GRIK2: variants seen among roughly 807,000 people sequenced by gnomAD.
The protein encoded by GRIK2 is glutamate ionotropic receptor kainate type subunit 2.
GRIK2 carries 32 observed loss-of-function variants against 100.3 expected under a neutral mutation model. That is an observed-to-expected ratio of 0.32 (90% confidence interval 0.24 to 0.43). The LOEUF (loss-of-function observed/expected upper bound fraction) is 0.43. Ranked by LOEUF, GRIK2 falls within the 20% of genes least tolerant of loss-of-function variation. GRIK2 has a pLI of 1.00. For synonymous variants in GRIK2, 417 were observed against 389.4 expected (o/e 1.07, Z -0.83); for missense variants, 843 against 1,114.9 (o/e 0.76, Z 3.47).
chr6:101,562,909 T>A (rs139844550), intron 2 of GRIK2, among the ~76,000 whole-genome samples: 2 of 152,202 alleles, frequency 1.3e-5, no homozygotes, highest in African/African-American at 4.8e-5. Context: ...TTCTGTGTAA[T>A]GATACTTTTT....
intron 2 of GRIK2, among the ~76,000 whole-genome samples, chr6:101,576,030 G>A (rs185582602): frequency 4.9e-4 from 74 of 151,956 alleles, no homozygotes; most frequent in African/African-American, 1.7e-3. Context: ...GTATTTAATA[G>A]GGCATATGAT....
intron 2 of GRIK2, among the ~76,000 whole-genome samples, chr6:101,487,796 CTA>C (rs1772906688): frequency 6.8e-6 from 1 of 146,288 alleles, no homozygotes; most frequent in Non-Finnish European, 1.5e-5. Context: ...AAAGATCAAA[CTA>C]TTGGTCTTCA....
intron 2 of GRIK2, among the ~76,000 whole-genome samples, chr6:101,604,745 G>T (rs1779368960): frequency 6.6e-6 from 1 of 151,928 alleles, no homozygotes; most frequent in African/African-American, 2.4e-5. Context: ...CCTGTTTGAT[G>T]ATGAACATTT....
intron 14 of GRIK2, among the ~76,000 whole-genome samples, chr6:101,967,224 T>A (rs1792739838): frequency 6.6e-6 from 1 of 151,978 alleles, no homozygotes; most frequent in Admixed American, 6.6e-5. Flanking sequence ...CTAAATCTTA[T>A]AAAAATTAAA....
At chr6:101,810,403 A>G (rs1292733212) in intron 9 of GRIK2, among the ~76,000 whole-genome samples, 1 of 152,048 alleles carries the variant, frequency 6.6e-6, no homozygotes, top group Admixed American at 6.6e-5. Flanking sequence ...ATACTTACTG[A>G]TTTATTGTAC....
At chr6:101,798,575 A>T (rs997981821) in intron 7 of GRIK2, among the ~76,000 whole-genome samples, 3 of 152,058 alleles carry the variant, frequency 2.0e-5, no homozygotes, top group Non-Finnish European at 2.9e-5. Context: ...GTTGAAAGCT[A>T]CTGTGTATAC....
At chr6:102,026,554 T>G (rs1769714671) in intron 14 of GRIK2, among the ~76,000 whole-genome samples, 1 of 151,186 alleles carries the variant, frequency 6.6e-6, no homozygotes, top group African/African-American at 2.4e-5. Flanking sequence ...TGAACCTTCA[T>G]TATGAGATAC....
intron 2 of GRIK2, among the ~76,000 whole-genome samples, chr6:101,498,122 G>T (rs1169274159): frequency 1.4e-5 from 2 of 146,898 alleles, no homozygotes; most frequent in Non-Finnish European, 3.0e-5. Flanking sequence ...GTGGTGTTTG[G>T]TTTTTTGTCC....
intron 12 of GRIK2, among the ~76,000 whole-genome samples, chr6:101,920,238 A>G (rs1024264900): frequency 6.6e-6 from 1 of 151,902 alleles, no homozygotes; most frequent in Non-Finnish European, 1.5e-5. Context: ...CCAAAATAAA[A>G]TAGCTTGAAT....
rs202110456 is a variant in GRIK2 at position 101,899,455 on chromosome 6, A to AT, written c.1748+9598dup. Among the ~76,000 whole-genome samples, 1,203 of 151,806 alleles carry AT rather than the reference A, an allele frequency of 7.9e-3. 22 individuals carry two copies. Among genetic ancestry groups the AT allele is most frequent in the African/African-American group, 0.027 (1,138 of 41,440 alleles). The stretch of plus-strand genomic sequence containing the variant: ...GTATTTGCATTTCAAGCCTATAGTT[A>AT]TTTTTTCTATTTTATTTAATGAGCA... On this transcript the variant is annotated intron_variant, in intron 12 of 16. Transcript: ENST00000369134.
intron 2 of GRIK2, among the ~76,000 whole-genome samples, chr6:101,556,290 T>TA (rs902894086): frequency 6.8e-6 from 1 of 146,252 alleles, no homozygotes; most frequent in African/African-American, 2.5e-5. Flanking sequence ...TGTCAAGAAA[T>TA]ACAACAATTG....
intron 14 of GRIK2, among the ~76,000 whole-genome samples, chr6:101,986,005 C>T (rs1793996639): frequency 6.6e-6 from 1 of 151,666 alleles, no homozygotes; most frequent in Non-Finnish European, 1.5e-5. Flanking sequence ...TATTTCCCAC[C>T]TAAAGTTTAT....
intron 7 of GRIK2, among the ~76,000 whole-genome samples, chr6:101,724,839 AGGAGGTTTGAGG>A (rs935605953): frequency 8.6e-5 from 13 of 152,028 alleles, no homozygotes; most frequent in African/African-American, 3.1e-4. Flanking sequence ...TCTGAGAAAT[AGGAGGTTTGAGG>A]GCTGAAATGA....
intron 15 of GRIK2, among the ~76,000 whole-genome samples, chr6:102,037,322 C>T (rs1239169740): frequency 6.6e-6 from 1 of 151,072 alleles, no homozygotes; most frequent in Non-Finnish European, 1.5e-5. Context: ...AGGTAGAATA[C>T]AATACTTATT....
intron 14 of GRIK2, among the ~76,000 whole-genome samples, chr6:101,962,199 C>T (rs1290247384): frequency 6.6e-6 from 1 of 151,880 alleles, no homozygotes; most frequent in East Asian, 1.9e-4. Context: ...TTTGTGTGCC[C>T]CAGCTTTTTC....
intron 6 of GRIK2, 90 bp from the exon 7 acceptor site, chr6:101,686,089 TA>T: frequency 4.3e-5 from 44 of 1,030,090 alleles, no homozygotes; most frequent in Middle Eastern, 5.9e-4. Context: ...TTAAGTGACC[TA>T]AAAAAAACAA....
intron 7 of GRIK2, among the ~76,000 whole-genome samples, chr6:101,770,825 A>C (rs1778353319): frequency 6.6e-6 from 1 of 152,166 alleles, no homozygotes; most frequent in Admixed American, 6.5e-5. Flanking sequence ...TATTTTTGGC[A>C]GGTATAGTGT....
intron 7 of GRIK2, among the ~76,000 whole-genome samples, chr6:101,771,241 T>A (rs1778383907): frequency 6.6e-6 from 1 of 151,984 alleles, no homozygotes; most frequent in South Asian, 2.1e-4. Flanking sequence ...TTTTCTTTTT[T>A]CATTAAAAAT....
intron 2 of GRIK2, among the ~76,000 whole-genome samples, chr6:101,478,634 C>T (rs2128259917): frequency 6.6e-6 from 1 of 151,650 alleles, no homozygotes; most frequent in East Asian, 1.9e-4. Flanking sequence ...CTGACTCAGC[C>T]TCCCGAGTAG....
Sources: gnomAD v4.1 joint callset for allele counts (sites outside exome capture counted in the v4.1 genomes callset) on GRCh38, gnomAD v4.1.1 for gene constraint, MANE v1.5 for transcripts, NCBI Gene and HGNC (gene_info 2026-07-23, HGNC 2026-07-21) for gene names.